KHDC1: variants seen among roughly 807,000 people sequenced by gnomAD.
KHDC1 encodes the protein KH homology domain-containing protein 1.
KHDC1 carries 21 observed loss-of-function variants against 24.7 expected under a neutral mutation model. The observed-to-expected ratio is 0.85, with a 90% CI of 0.60 to 1.23. The LOEUF is 1.23. Among genes scored for constraint, KHDC1 ranks in the 50% most tolerant of loss-of-function variants. The pLI, the probability that KHDC1 is intolerant of heterozygous loss-of-function variation, is 0.00. For synonymous variants in KHDC1, 98 were observed against 111.7 expected (o/e 0.88, Z 0.77); for missense variants, 274 against 298.5 (o/e 0.92, Z 0.61).
intron 2 of KHDC1, among the ~76,000 whole-genome samples, chr6:73,273,482 T>C (rs1767218996): frequency 6.6e-6 from 1 of 152,206 alleles, no homozygotes; most frequent in Non-Finnish European, 1.5e-5. Context: ...ATTGACATTT[T>C]AAAATGTTAT....
intron 2 of KHDC1, 158 bp from the exon 1 acceptor site, chr6:73,263,354 A>T: frequency 2.2e-6 from 2 of 900,924 alleles, no homozygotes; most frequent in Non-Finnish European, 2.7e-6. Context: ...GGGAGGAGGG[A>T]CGAGCCAGTG....
At chr6:73,242,323 A>T (rs1766587660) in intron 3 of KHDC1, 83 bp downstream of exon 2, 2 of 1,607,214 alleles carry the variant, frequency 1.2e-6, no homozygotes. Context: ...GGAATATGTG[A>T]CTGATGAAGG....
At chr6:73,301,673 C>G (rs910384018) in intron 1 of KHDC1, among the ~76,000 whole-genome samples, 2 of 151,990 alleles carry the variant, frequency 1.3e-5, no homozygotes, top group African/African-American at 2.4e-5. Context: ...ACTCTCTTGC[C>G]CAGTCTGGAG....
rs1767557947 is a variant in KHDC1, at chr6:73,288,232, TA to T, written c.206+3765del. Among the ~76,000 whole-genome samples the T allele has an allele frequency of 2.0e-5, 3 of 152,232 alleles. No individual in the cohort carries two copies. The South Asian group carries it at 6.2e-4, about 32-fold the overall frequency. The stretch of plus-strand genomic sequence containing the variant: ...GCTGTGCCAGGTGTGGTGTTTTTAT[TA>T]GAAACTGATTAACACAACCTTTGAT... On this transcript the variant is annotated intron_variant, in intron 2 of 4. Coordinates refer to ENST00000370384, the Ensembl canonical transcript of KHDC1.
intron 2 of KHDC1, among the ~76,000 whole-genome samples, chr6:73,260,455 G>C: frequency 6.6e-6 from 1 of 152,188 alleles, no homozygotes; most frequent in South Asian, 2.1e-4. Context: ...TTATTTACCT[G>C]CTGAAATTAT....
chr6:73,274,325 G>A (rs1767238917), intron 2 of KHDC1: 1 of 152,186 alleles, frequency 6.6e-6, no homozygotes, highest in Non-Finnish European at 1.5e-5. Context: ...TTATTAGCTG[G>A]TTAGCATTGC....
intron 2 of KHDC1, among the ~76,000 whole-genome samples, chr6:73,244,149 T>C (rs1231757438): frequency 1.3e-5 from 2 of 152,204 alleles, no homozygotes; most frequent in Non-Finnish European, 2.9e-5. Flanking sequence ...AAAAATATTA[T>C]TAATAAAATA....
intron 1 of KHDC1, chr6:73,300,767 C>CA (rs1767859842): frequency 6.6e-6 from 1 of 152,198 alleles, no homozygotes; most frequent in African/African-American, 2.4e-5. Flanking sequence ...CTTTGGTTTG[C>CA]AGTTGTCTAG....
intron 1 of KHDC1, among the ~76,000 whole-genome samples, chr6:73,296,342 A>T (rs1195846990): frequency 2.6e-5 from 4 of 151,236 alleles, no homozygotes; most frequent in African/African-American, 9.7e-5. Context: ...AGTCCCAGCT[A>T]CTCAGGAGGC....
chr6:73,262,193 C>G (rs1452478458), intron 2 of KHDC1, among the ~76,000 whole-genome samples: 1 of 152,186 alleles, frequency 6.6e-6, no homozygotes, highest in Non-Finnish European at 1.5e-5. Flanking sequence ...CACTTGCCTT[C>G]TTTGTAAACC....
rs912417814 is a variant in KHDC1 at position 73,263,199 on chromosome 6, C to A, written c.207-20669G>T. The A allele has an allele frequency of 1.0e-6, 1 of 987,058 alleles. No individual in the cohort carries two copies. The highest frequency in any genetic ancestry group is 4.5e-5 in the South Asian group (1 of 22,130). The allele number at this position is 987,058 out of a possible 1,614,324, so 61.1% of individuals were successfully genotyped here. A position where few individuals can be genotyped will look rare whatever the true frequency, so the allele number is the denominator to read the frequency against. On this transcript the variant is annotated intron_variant, in intron 2 of 4. Coordinates refer to ENST00000370384, the Ensembl canonical transcript of KHDC1. ...GCGAGGCGCGCTCGAGCGGAAGTGG[C>A]GGCGACCCCGCCGGAAGCGCGCGGC...
chr6:73,278,009 G>GTTTTTTT (rs70994182), intron 2 of KHDC1, among the ~76,000 whole-genome samples: 3 of 106,334 alleles, frequency 2.8e-5, no homozygotes, highest in African/African-American at 3.9e-5. Flanking sequence ...TCTCTCGGGT[G>GTTTTTTT]TTTTTTTTTT....
intron 1 of KHDC1, chr6:73,292,971 T>C: frequency 5.4e-6 from 5 of 927,838 alleles, no homozygotes; most frequent in South Asian, 3.9e-5. Context: ...TTTGAGACTT[T>C]CTGTCACATC....
chr6:73,241,397 T>G (rs532829513), exon 5 of KHDC1: 3 of 784,690 alleles, frequency 3.8e-6, no homozygotes, highest in Non-Finnish European at 4.4e-6. Flanking sequence ...CAGACATGTC[T>G]AGAAGACCTG....
At position 73,259,280 on chromosome 6, in the gene KHDC1, C is replaced by CTTTTTTTTT. The variant is rs59935884; in HGVS notation, c.207-16759_207-16751dup. On this transcript the variant is annotated intron_variant, in intron 2 of 4. Transcript: ENST00000370384. ...GCTTTCTGCTGACAAATCCAATATG[C>CTTTTTTTTT]TTTTTTTTTTTTTTTTTTTTTTTTT... Among the ~76,000 whole-genome samples, 46 of 73,256 alleles carry CTTTTTTTTT rather than the reference C, an allele frequency of 6.3e-4. 4 individuals are homozygous for CTTTTTTTTT. The highest frequency in any genetic ancestry group is 2.4e-3 in the African/African-American group (38 of 15,748). The allele number at this position is 73,256 out of a possible 152,430, so 48.1% of individuals were successfully genotyped here.
intron 2 of KHDC1, chr6:73,263,097 C>G (rs1767014638): frequency 4.9e-6 from 5 of 1,023,842 alleles, no homozygotes; most frequent in South Asian, 3.9e-5. Flanking sequence ...CAGGCCTGGC[C>G]GATTGTGAGG....
chr6:73,263,292 C>A, intron 2 of KHDC1, 96 bp from the exon 1 acceptor site: 2 of 985,604 alleles, frequency 2.0e-6, no homozygotes, highest in Non-Finnish European at 2.4e-6. Flanking sequence ...CTGCGGAGCC[C>A]ACTGCCGGCG....
At chr6:73,273,644 G>A (rs1292681843) in intron 2 of KHDC1, among the ~76,000 whole-genome samples, 24 of 150,836 alleles carry the variant, frequency 1.6e-4, no homozygotes, top group East Asian at 4.0e-4. Context: ...GTGAAACCCC[G>A]TCTCTACTAA....
chr6:73,307,358 G>A (rs1342250530), intron 1 of KHDC1, among the ~76,000 whole-genome samples: 1 of 152,124 alleles, frequency 6.6e-6, no homozygotes, highest in Non-Finnish European at 1.5e-5. Context: ...CCGGGAGGCG[G>A]AGGTTGCAAT....
Sources: allele counts gnomAD v4.1 joint callset (sites outside exome capture counted in the v4.1 genomes callset), GRCh38; gene constraint gnomAD v4.1.1; transcripts MANE v1.5; gene names NCBI Gene and HGNC (gene_info 2026-07-23, HGNC 2026-07-21).